RUNX1: variants seen among roughly 807,000 people sequenced by gnomAD.
RUNX1 encodes the protein runt-related transcription factor 1.
Under a neutral mutation model 42.8 loss-of-function variants are expected in RUNX1, and 19 were observed. The observed-to-expected ratio is 0.44, with a 90% CI of 0.31 to 0.65. RUNX1 has a LOEUF of 0.65. Among genes scored for constraint, RUNX1 ranks in the 30% least tolerant of loss-of-function variants. RUNX1 has a pLI of 0.07. For synonymous variants in RUNX1, 271 were observed against 289.4 expected (o/e 0.94, Z 0.64); for missense variants, 528 against 672.0 (o/e 0.79, Z 2.37).
chr21:34,877,491 G>C (rs546486890), intron 5 of RUNX1, among the ~76,000 whole-genome samples: 1 of 152,130 alleles, frequency 6.6e-6, no homozygotes, highest in African/African-American at 2.4e-5. Context: ...CCTTTGTAAA[G>C]GAGCGGTCGA....
intron 5 of RUNX1, among the ~76,000 whole-genome samples, chr21:34,863,464 C>A (rs1204952159): frequency 6.6e-6 from 1 of 151,984 alleles, no homozygotes; most frequent in Non-Finnish European, 1.5e-5. Flanking sequence ...ACAGACTAAC[C>A]TATATAATCA....
intron 2 of RUNX1, among the ~76,000 whole-genome samples, chr21:34,939,246 C>A (rs2058508944): frequency 6.6e-6 from 1 of 152,312 alleles, no homozygotes; most frequent in South Asian, 2.1e-4. Context: ...TTGCTAGGCT[C>A]AACAGATACA....
intron 2 of RUNX1, among the ~76,000 whole-genome samples, chr21:34,916,295 A>G (rs2058311673): frequency 1.3e-5 from 2 of 152,148 alleles, no homozygotes. Context: ...AATATACTCT[A>G]AAGAGTTCTG....
At chr21:34,848,384 G>A (rs1231079489) in intron 6 of RUNX1, among the ~76,000 whole-genome samples, 1 of 152,236 alleles carries the variant, frequency 6.6e-6, no homozygotes, top group Non-Finnish European at 1.5e-5. Context: ...CGCAGTTTTA[G>A]ACTTGAAGCT....
At chr21:34,910,351 A>G (rs553659010) in intron 2 of RUNX1, among the ~76,000 whole-genome samples, 21 of 151,824 alleles carry the variant, frequency 1.4e-4, no homozygotes, top group Middle Eastern at 3.4e-3. Context: ...TTCCTGATAG[A>G]AACTCCAGCA....
intron 2 of RUNX1, among the ~76,000 whole-genome samples, chr21:34,898,226 C>G (rs893722071): frequency 1.3e-5 from 2 of 152,130 alleles, no homozygotes; most frequent in African/African-American, 2.4e-5. Flanking sequence ...TTATCCAACC[C>G]CTGGATTTTT....
At chr21:34,856,898 G>A (rs1212537065) in intron 6 of RUNX1, among the ~76,000 whole-genome samples, 1 of 152,104 alleles carries the variant, frequency 6.6e-6, no homozygotes, top group Non-Finnish European at 1.5e-5. Flanking sequence ...TGTTACACTG[G>A]AAAGCAACTG....
chr21:34,985,274 T>G (rs996514454), intron 2 of RUNX1, among the ~76,000 whole-genome samples: 1 of 152,188 alleles, frequency 6.6e-6, no homozygotes, highest in African/African-American at 2.4e-5. Context: ...CAGGGAGTAA[T>G]AGGCTGCCAG....
chr21:34,853,298 C>T (rs1402251674), intron 6 of RUNX1, among the ~76,000 whole-genome samples: 2 of 152,108 alleles, frequency 1.3e-5, no homozygotes, highest in African/African-American at 2.4e-5. Context: ...CCGGGGAAAA[C>T]ACTGATTCCC....
intron 2 of RUNX1, among the ~76,000 whole-genome samples, chr21:35,013,954 A>G (rs186343624): frequency 3.3e-5 from 5 of 152,334 alleles, no homozygotes; most frequent in African/African-American, 1.2e-4. Context: ...TTTAAAAGAG[A>G]CAAAAGTAGT....
In RUNX1 at chr21:34,843,420, T is replaced by C. The variant is rs2057271139; in HGVS notation, c.614-8819A>G. Among the ~76,000 whole-genome samples, 1 of 151,844 alleles carries C rather than the reference T, an allele frequency of 6.6e-6. No individual in the cohort carries two copies. The highest frequency in any genetic ancestry group is 2.4e-5 in the African/African-American group (1 of 41,292). ...ACATGCATATACACACAGGCAGATA[T>C]ACAGACATGGGGACACATATATACA... On this transcript the variant is annotated intron_variant, in intron 6 of 8. Transcript: ENST00000675419. The surrounding 1 kb of genome is among the most constrained non-coding windows in gnomAD (Gnocchi z 4.8).
In RUNX1 at chr21:34,907,562, C is replaced by A. The variant is rs2058232949; in HGVS notation, c.59-14599G>T. ...CCTCTAGCCTAAAATGTCTTATTTT[C>A]TTAGTACTCAATTTGTTACTTGACT... is the stretch of plus-strand genomic sequence containing the variant. On this transcript the variant is annotated intron_variant, in intron 2 of 8. Coordinates refer to ENST00000675419, the MANE Select transcript of RUNX1 (RefSeq NM_001754.5). This position sits in a 1 kb window ranked among gnomAD's most constrained non-coding sequence, Gnocchi z 5.3. Among the ~76,000 whole-genome samples, 1 of 152,094 alleles carries A rather than the reference C, an allele frequency of 6.6e-6. No homozygotes were observed.
intron 2 of RUNX1, among the ~76,000 whole-genome samples, chr21:35,025,034 G>T (rs2059225675): frequency 1.3e-5 from 2 of 152,178 alleles, no homozygotes; most frequent in South Asian, 4.1e-4. Context: ...AACTCTGAAA[G>T]TCATTTCAAA....
chr21:35,006,356 A>G (rs1443603791), intron 2 of RUNX1, among the ~76,000 whole-genome samples: 1 of 152,168 alleles, frequency 6.6e-6, no homozygotes, highest in African/African-American at 2.4e-5. Context: ...AGGAAACACA[A>G]TGAGAAGGAC....
rs372354359 is a variant in RUNX1, at chr21:34,861,225, A to C, written c.509-1647T>G. Among the ~76,000 whole-genome samples, 8 of 152,284 alleles carry C rather than the reference A, an allele frequency of 5.3e-5. No individual in the cohort carries two copies. In the East Asian group the frequency reaches 1.5e-3, roughly 29 times the overall value. ...CAGGCGACACTCTGGATGCTTTCCT[A>C]CCGTGGCATCTAGCTGAAGGAGAGG... On this transcript the variant is annotated intron_variant, in intron 5 of 8. Transcript: ENST00000675419.
At chr21:34,987,036 C>T (rs746078185) in intron 2 of RUNX1, among the ~76,000 whole-genome samples, 1 of 152,224 alleles carries the variant, frequency 6.6e-6, no homozygotes, top group Non-Finnish European at 1.5e-5. Flanking sequence ...AGGCTGCATG[C>T]CCAGGTAAGT....
intron 3 of RUNX1, 161 bp from the exon 4 acceptor site, chr21:34,887,257 G>GGGT: frequency 7.6e-7 from 1 of 1,309,544 alleles, no homozygotes. Context: ...GGGGGCGGGG[G>GGGT]TGGTTAGGGG....
intron 2 of RUNX1, among the ~76,000 whole-genome samples, chr21:35,019,618 T>C (rs2059183798): frequency 6.6e-6 from 1 of 152,124 alleles, no homozygotes; most frequent in African/African-American, 2.4e-5. Flanking sequence ...GCAAACCTCC[T>C]TGAGCCCTTG....
intron 2 of RUNX1, chr21:35,038,673 CCTTT>C (rs2059335116): frequency 2.3e-6 from 1 of 433,042 alleles, no homozygotes; most frequent in African/African-American, 2.3e-5. Context: ...GAGAGAGAGA[CCTTT>C]ATTTCTCCTG....
Sources: allele counts gnomAD v4.1 joint callset (sites outside exome capture counted in the v4.1 genomes callset), GRCh38; gene constraint gnomAD v4.1.1; non-coding constraint Gnocchi (gnomAD v3.1); transcripts MANE v1.5; gene names NCBI Gene and HGNC (gene_info 2026-07-23, HGNC 2026-07-21).